The following TRPM3 variants were observed in gnomAD, a reference collection of about 807,000 sequenced individuals.
TRPM3 encodes long transient receptor potential channel 3.
A neutral mutation model predicts 181.2 loss-of-function variants in TRPM3; 77 were observed. The ratio of observed to expected loss-of-function variants is 0.42; its 90% confidence interval spans 0.35 to 0.51. The LOEUF is 0.51. TRPM3 is among the 20% of genes least tolerant of loss of function. The pLI is 0.01. For missense variants in TRPM3, 1,759 were observed against 2,196.7 expected, an observed-to-expected ratio of 0.80 and a Z score of 3.98; for synonymous variants, 745 against 796.4, an observed-to-expected ratio of 0.94 and a Z score of 1.09.
chr9:71,079,674 G>C (rs2063947113), intron 1 of TRPM3, among the ~76,000 whole-genome samples: 1 of 152,116 alleles, frequency 6.6e-6, no homozygotes, highest in African/African-American at 2.4e-5. Context: ...TGTGCAAATT[G>C]CATCCATCTG....
chr9:70,651,651 T>C (rs1251877782), intron 9 of TRPM3, among the ~76,000 whole-genome samples: 1 of 152,234 alleles, frequency 6.6e-6, no homozygotes, highest in Non-Finnish European at 1.5e-5. Flanking sequence ...TGTTAATTTC[T>C]ATCTCCCCTG....
intron 1 of TRPM3, among the ~76,000 whole-genome samples, chr9:71,347,568 T>C (rs1269568047): frequency 6.6e-6 from 1 of 152,178 alleles, no homozygotes; most frequent in African/African-American, 2.4e-5. Flanking sequence ...TTGAATAGCT[T>C]AATTTTTTGC....
chr9:71,013,492 A>G (rs779945571), intron 1 of TRPM3, among the ~76,000 whole-genome samples: 2 of 151,844 alleles, frequency 1.3e-5, no homozygotes, highest in Non-Finnish European at 2.9e-5. Context: ...TATGCTGTGA[A>G]ACAATTTTTG....
rs1564321462 is a variant in TRPM3, at chr9:70,793,486, ATATAT to A, written c.974-9212_974-9208del. On this transcript the variant is annotated intron_variant, in intron 6 of 25. Transcript: ENST00000677713. ...AAAAAAAAAATATATATATATATATATATATAAAACACATATGTATATGTATGCAT... is the reference window on the plus strand; with the variant it reads ...AAAAAAAAAATATATATATATATATAAAAACACATATGTATATGTATGCAT... 30 of 159,798 alleles carry A rather than the reference ATATAT, an allele frequency of 1.9e-4. 2 individuals carry two copies. The highest frequency in any genetic ancestry group is 1.5e-3 in the South Asian group (9 of 6,018). 9.9% of individuals were successfully genotyped at this position (159,798 alleles called of 1,614,324 possible). A position where few individuals can be genotyped will look rare whatever the true frequency, so the allele number is the denominator to read the frequency against.
chr9:71,138,382 T>C (rs1423194510), intron 1 of TRPM3, among the ~76,000 whole-genome samples: 1 of 152,190 alleles, frequency 6.6e-6, no homozygotes, highest in Non-Finnish European at 1.5e-5. Flanking sequence ...GCATACGCTA[T>C]GGTTGCCTGA....
At chr9:70,921,857 T>G (rs1452620314) in intron 1 of TRPM3, among the ~76,000 whole-genome samples, 2 of 151,570 alleles carry the variant, frequency 1.3e-5, no homozygotes, top group African/African-American at 4.9e-5. Flanking sequence ...AACAACCACA[T>G]GAATTAGCTT....
chr9:70,824,153 C>T (rs1315803371), intron 6 of TRPM3, among the ~76,000 whole-genome samples: 3 of 151,918 alleles, frequency 2.0e-5, no homozygotes, highest in Non-Finnish European at 4.4e-5. Context: ...AAAACAGGCT[C>T]GTTGATAGGA....
chr9:70,820,521 G>A (rs767875491), intron 6 of TRPM3, among the ~76,000 whole-genome samples: 6 of 152,114 alleles, frequency 3.9e-5, no homozygotes, highest in Non-Finnish European at 7.3e-5. Flanking sequence ...AAGCCATTGC[G>A]CCGAGCCTGT....
At chr9:71,112,956 C>T (rs553631843) in intron 1 of TRPM3, among the ~76,000 whole-genome samples, 1 of 152,100 alleles carries the variant, frequency 6.6e-6, no homozygotes, top group Non-Finnish European at 1.5e-5. Context: ...AACTCAGCTA[C>T]ACGGAATTCC....
intron 1 of TRPM3, among the ~76,000 whole-genome samples, chr9:70,921,808 G>A (rs896637023): frequency 1.3e-5 from 2 of 152,028 alleles, no homozygotes; most frequent in African/African-American, 4.8e-5. Flanking sequence ...AACAGAGAGC[G>A]GCCTCTTCCC....
chr9:70,782,007 C>CA (rs921106067), intron 7 of TRPM3, among the ~76,000 whole-genome samples: 9 of 150,172 alleles, frequency 6.0e-5, no homozygotes, highest in East Asian at 5.8e-4. Context: ...AACAAACAAA[C>CA]AAAAAAACCC....
intron 1 of TRPM3, among the ~76,000 whole-genome samples, chr9:71,240,739 G>T (rs1050462763): frequency 3.3e-5 from 5 of 152,154 alleles, no homozygotes; most frequent in Admixed American, 2.0e-4. Context: ...GAGAGAGGTT[G>T]CAAGAGAGAA....
At chr9:71,099,068 GC>G (rs1409635289) in intron 1 of TRPM3, among the ~76,000 whole-genome samples, 1 of 152,094 alleles carries the variant, frequency 6.6e-6, no homozygotes, top group East Asian at 1.9e-4. Flanking sequence ...GTCCATCTGG[GC>G]TGCTACAACA....
At chr9:71,054,960 C>G (rs569601) in intron 1 of TRPM3, among the ~76,000 whole-genome samples, 88,263 of 152,050 alleles carry the variant, frequency 0.58, 26,914 homozygotes, top group African/African-American at 0.77. Context: ...AAAGCCTTCT[C>G]CACAATGCCT....
At chr9:70,786,648 G>C (rs928459651) in intron 6 of TRPM3, among the ~76,000 whole-genome samples, 2 of 152,082 alleles carry the variant, frequency 1.3e-5, no homozygotes, top group African/African-American at 4.8e-5. Flanking sequence ...CATTGTTAAA[G>C]GTTATTTTAT....
rs992416544 is a variant in TRPM3, at chr9:70,640,561, G to A, written c.1445C>T (p.Pro482Leu). Reference protein sequence around the residue: ...SQIFIYGQQWPVGSLEQAMLD... With the variant: ...SQIFIYGQQWLVGSLEQAMLD... ...CATGGGAGACGATATATACTCTACC[G>A]GCCACTGTTGCCCGTAAATAAAGAT... The change falls in exon 10 of 26, where the codon CCG (proline) becomes CTG (leucine). Residue 482 changes from proline (P) to leucine (L), a missense_variant and splice_region_variant. Around this residue, in one of 8 missense-constraint regions of TRPM3, gnomAD observed 737 missense variants for 957.4 expected, o/e 0.77. Transcript: ENST00000677713. The A allele has an allele frequency of 1.2e-6, 2 of 1,612,376 alleles. No homozygotes were observed. The highest frequency in any genetic ancestry group is 1.7e-6 in the Non-Finnish European group (2 of 1,179,168).
At chr9:71,293,717 A>T (rs2086019912) in intron 1 of TRPM3, among the ~76,000 whole-genome samples, 1 of 151,972 alleles carries the variant, frequency 6.6e-6, no homozygotes, top group Non-Finnish European at 1.5e-5. Flanking sequence ...AACTTGACAG[A>T]ATAATTCCAA....
chr9:70,849,900 C>A (rs2095155112), intron 3 of TRPM3, among the ~76,000 whole-genome samples: 1 of 152,226 alleles, frequency 6.6e-6, no homozygotes, highest in South Asian at 2.1e-4. Context: ...TTTCTCTATT[C>A]TTTCGTTAAA....
At chr9:71,414,019 T>C (rs1194864504) in intron 1 of TRPM3, among the ~76,000 whole-genome samples, 2 of 152,094 alleles carry the variant, frequency 1.3e-5, no homozygotes, top group Non-Finnish European at 2.9e-5. Context: ...TTTGTAATAT[T>C]CACAAGGCTA....
Sources: allele counts gnomAD v4.1 joint callset (sites outside exome capture counted in the v4.1 genomes callset), GRCh38; gene constraint gnomAD v4.1.1; regional missense constraint gnomAD v4.1.1; transcripts MANE v1.5; gene names NCBI Gene and HGNC (gene_info 2026-07-23, HGNC 2026-07-21).